Variants in KALRN observed in about 807,000 individuals in gnomAD.
The protein encoded by KALRN is kalirin.
KALRN carries 70 observed loss-of-function variants against 353.7 expected under a neutral mutation model. The observed-to-expected ratio is 0.20, with a 90% CI of 0.16 to 0.24. KALRN has a LOEUF of 0.24. Ranked by LOEUF, KALRN falls within the 10% of genes least tolerant of loss-of-function variation. KALRN has a pLI of 1.00. For synonymous variants in KALRN, 1,391 were observed against 1,434.8 expected (o/e 0.97, Z 0.69); for missense variants, 2,791 against 3,756.7 (o/e 0.74, Z 6.72).
At chr3:124,463,834 G>A (rs988792139) in intron 25 of KALRN, among the ~76,000 whole-genome samples, 6 of 152,136 alleles carry the variant, frequency 3.9e-5, no homozygotes, top group African/African-American at 9.7e-5. Context: ...GATGGCATCA[G>A]TTTAAAGAGA....
chr3:124,299,518 C>T (rs989931841), intron 6 of KALRN, among the ~76,000 whole-genome samples: 12 of 152,120 alleles, frequency 7.9e-5, no homozygotes, highest in African/African-American at 1.2e-4. Context: ...AGTGAGCTCT[C>T]CATGATGAGC....
intron 13 of KALRN, among the ~76,000 whole-genome samples, chr3:124,411,343 T>G (rs1319189482): frequency 6.6e-6 from 1 of 151,602 alleles, no homozygotes; most frequent in East Asian, 1.9e-4. Context: ...GTATTTTGTA[T>G]GTAAATTATA....
chr3:124,240,471 T>C (rs1184116604), intron 3 of KALRN, among the ~76,000 whole-genome samples: 1 of 152,142 alleles, frequency 6.6e-6, no homozygotes, highest in South Asian at 2.1e-4. Context: ...GGGGAAACAT[T>C]ACCACTTCTA....
At chr3:124,359,202 T>G (rs557916051) in intron 10 of KALRN, among the ~76,000 whole-genome samples, 56 of 152,306 alleles carry the variant, frequency 3.7e-4, no homozygotes, top group Admixed American at 1.0e-3. Context: ...CTTTTGCCCT[T>G]CTCTGCCTGT....
chr3:124,723,990 A>T lies in KALRN; in HGVS notation c.*4520A>T, dbSNP rs1407326257. The T allele has an allele frequency of 6.6e-6, 1 of 152,012 alleles. No individual in the cohort carries two copies. The highest frequency in any genetic ancestry group is 1.5e-5 in the Non-Finnish European group (1 of 67,992). 9.4% of individuals were successfully genotyped at this position (152,012 alleles called of 1,614,324 possible). On this transcript the variant is annotated 3_prime_UTR_variant, in exon 60 of 60. Coordinates refer to ENST00000682506, the MANE Select transcript of KALRN (RefSeq NM_001388419.1). Reference sequence around the variant, plus strand: ...GCACAGGCAAATTAAATGCATAGAAATGAATTGGACTGCTCATTTTTGGAG... The same window carrying T: ...GCACAGGCAAATTAAATGCATAGAATTGAATTGGACTGCTCATTTTTGGAG...
rs551143844 is a variant in KALRN, at chr3:124,368,266, G to A, written c.1771-16579G>A. ...TGACCCCCCCACCTCCCTCCCGGAC[G>A]GGGCGGCTGCCGGGCGGAGACGCTC... On this transcript the variant is annotated intron_variant, in intron 10 of 59. Coordinates refer to ENST00000682506, the MANE Select transcript of KALRN (RefSeq NM_001388419.1). Among the ~76,000 whole-genome samples the A allele has an allele frequency of 8.8e-3, 1,286 of 146,858 alleles. 60 individuals are homozygous for A. The highest frequency in any genetic ancestry group is 0.031 in the African/African-American group (1,157 of 37,722).
At position 124,699,919 on chromosome 3, in the gene KALRN, G is replaced by A. The variant is rs762351590; in HGVS notation, c.7882G>A (p.Val2628Ile). ...SVASTLDTYL[V>I]IEDLSPGCPY... ...GGCTTCGACCTTGGACACTTACCTC[G>A]TCATCGAAGACCTTAGTCCCGGGTG... The change falls in exon 56 of 60, where the codon GTC becomes ATC. Residue 2628 changes from valine to isoleucine, a missense_variant. Around this residue, in one of 11 missense-constraint regions of KALRN, gnomAD observed 1,065 missense variants for 1,156.4 expected, o/e 0.92. Transcript: ENST00000682506. The A allele has an allele frequency of 6.8e-5, 110 of 1,614,038 alleles. No homozygotes were observed. Among genetic ancestry groups the A allele is most frequent in the Non-Finnish European group, 8.5e-5 (100 of 1,180,028 alleles).
At chr3:124,209,492 C>A (rs1333615792) in intron 1 of KALRN, among the ~76,000 whole-genome samples, 122 of 69,994 alleles carry the variant, frequency 1.7e-3, no homozygotes, top group South Asian at 6.1e-3. Flanking sequence ...CACTCTGTCT[C>A]AAAAAAAAAA....
chr3:124,454,288 G>A (rs2059082176), intron 21 of KALRN, among the ~76,000 whole-genome samples: 1 of 152,176 alleles, frequency 6.6e-6, no homozygotes, highest in Non-Finnish European at 1.5e-5. Flanking sequence ...AAAGGGCAGA[G>A]ACAAATAGGC....
chr3:124,625,230 A>G (rs1172600763), intron 34 of KALRN, among the ~76,000 whole-genome samples: 1 of 152,188 alleles, frequency 6.6e-6, no homozygotes, highest in Non-Finnish European at 1.5e-5. Flanking sequence ...TAACCTGCCC[A>G]GAGTCATAAC....
intron 12 of KALRN, among the ~76,000 whole-genome samples, chr3:124,396,441 C>T (rs1006347782): frequency 6.6e-6 from 1 of 152,214 alleles, no homozygotes; most frequent in African/African-American, 2.4e-5. Context: ...TAATTATCTT[C>T]ATGAATATAT....
chr3:124,384,151 G>C (rs558712455), intron 10 of KALRN, among the ~76,000 whole-genome samples: 1 of 152,134 alleles, frequency 6.6e-6, no homozygotes, highest in Non-Finnish European at 1.5e-5. Context: ...GAATACCATG[G>C]TGTGTACAGA....
In KALRN at chr3:124,646,391, C is replaced by CTT. The variant is rs10673161; in HGVS notation, c.5665-4401_5665-4400dup. Among the ~76,000 whole-genome samples the CTT allele has an allele frequency of 1.3e-3, 144 of 110,464 alleles. 10 individuals are homozygous for CTT. The highest frequency in any genetic ancestry group is 5.7e-3 in the Middle Eastern group (1 of 176). The allele number at this position is 110,464 out of a possible 152,430, so 72.5% of individuals were successfully genotyped here. On this transcript the variant is annotated intron_variant, in intron 37 of 59. Transcript: ENST00000682506. ...GACTGCTAGAGGGATCTTTTGTTTA[C>CTT]TTTTTTTTTTTTTTTTTGAGACAGA...
At chr3:124,315,730 CAGTT>C (rs1320114576) in intron 6 of KALRN, among the ~76,000 whole-genome samples, 1 of 152,050 alleles carries the variant, frequency 6.6e-6, no homozygotes, top group African/African-American at 2.4e-5. Flanking sequence ...ATTTGCTAAG[CAGTT>C]AATTTGTCCG....
chr3:124,698,883 G>A (rs910967039), intron 55 of KALRN, among the ~76,000 whole-genome samples: 1 of 152,116 alleles, frequency 6.6e-6, no homozygotes, highest in Non-Finnish European at 1.5e-5. Flanking sequence ...CATCTAGTTA[G>A]CAAGAATTAG....
intron 6 of KALRN, among the ~76,000 whole-genome samples, chr3:124,314,625 C>T (rs920210988): frequency 1.3e-5 from 2 of 152,120 alleles, no homozygotes; most frequent in East Asian, 1.9e-4. Flanking sequence ...ATTTCTTCCA[C>T]TCATACAGGA....
chr3:124,167,051 A>C (rs1336385529), intron 1 of KALRN, among the ~76,000 whole-genome samples: 1 of 152,144 alleles, frequency 6.6e-6, no homozygotes, highest in Admixed American at 6.5e-5. Context: ...TCTCAAAATA[A>C]TAATAATAAT....
intron 1 of KALRN, among the ~76,000 whole-genome samples, chr3:124,067,776 G>A (rs1238493836): frequency 1.3e-4 from 20 of 152,210 alleles, no homozygotes; most frequent in Admixed American, 4.6e-4. Flanking sequence ...GAGGCTCTGG[G>A]GCAGCTATGC....
intron 51 of KALRN, among the ~76,000 whole-genome samples, chr3:124,693,035 G>T (rs2061893029): frequency 1.3e-5 from 2 of 152,214 alleles, no homozygotes; most frequent in Admixed American, 1.3e-4. Context: ...AGGCAGCATG[G>T]TATATACCAA....
Sources: allele counts gnomAD v4.1 joint callset (sites outside exome capture counted in the v4.1 genomes callset), GRCh38; gene constraint gnomAD v4.1.1; regional missense constraint gnomAD v4.1.1; transcripts MANE v1.5; gene names NCBI Gene and HGNC (gene_info 2026-07-23, HGNC 2026-07-21).